SMIM21: variants seen among roughly 807,000 people sequenced by gnomAD.
SMIM21 encodes chromosome 18 open reading frame 62.
A neutral mutation model predicts 8.6 loss-of-function variants in SMIM21; 8 were observed. The ratio of observed to expected loss-of-function variants is 0.93; its 90% confidence interval spans 0.55 to 1.68. SMIM21 has a LOEUF of 1.68. Ranked by LOEUF, SMIM21 falls within the 40% of genes most tolerant of loss-of-function variation. The pLI is 0.00. For synonymous variants in SMIM21, 43 were observed against 41.7 expected, an observed-to-expected ratio of 1.03 and a Z score of -0.12; for missense variants, 132 against 123.0, an observed-to-expected ratio of 1.07 and a Z score of -0.35.
In SMIM21 at chr18:75,410,303, A is replaced by T. The variant is rs988829596; in HGVS notation, c.*561T>A. The stretch of plus-strand genomic sequence containing the variant: ...TTCTCAGTGTGTCTCTGCTGGTTTT[A>T]TTACAGTAATGAGGACTGTCGGTTT... On this transcript the variant is annotated 3_prime_UTR_variant, in exon 3 of 3. Transcript: ENST00000579022. 1 of 152,812 alleles carries T rather than the reference A, an allele frequency of 6.5e-6. No homozygotes were observed. The highest frequency in any genetic ancestry group is 1.9e-4 in the East Asian group (1 of 5,196). The allele number at this position is 152,812 out of a possible 1,614,324, so 9.5% of individuals were successfully genotyped here.
chr18:75,425,583 T>C (rs141017551), intron 1 of SMIM21, among the ~76,000 whole-genome samples: 150 of 152,328 alleles, frequency 9.8e-4, no homozygotes, highest in African/African-American at 3.5e-3. Context: ...TTAAGTGTTG[T>C]TTTCCTTGTC....
chr18:75,426,279 T>TTTTATTTA (rs1223106060), intron 1 of SMIM21, among the ~76,000 whole-genome samples: 2 of 148,628 alleles, frequency 1.3e-5, no homozygotes, highest in African/African-American at 4.9e-5. Flanking sequence ...AGACCATTAC[T>TTTTATTTA]TTTATTTATT....
intron 2 of SMIM21, chr18:75,416,795 GT>G: frequency 2.0e-5 from 1 of 49,738 alleles, no homozygotes; most frequent in Non-Finnish European, 3.1e-5. Flanking sequence ...TTAACTTGGT[GT>G]CTGGTGTCTG....
intron 2 of SMIM21, chr18:75,418,216 A>G (rs1249476096): frequency 2.8e-5 from 11 of 398,426 alleles, no homozygotes; most frequent in Non-Finnish European, 4.4e-5. Context: ...AATAAAATTA[A>G]TATGCCTTCC....
intron 1 of SMIM21, among the ~76,000 whole-genome samples, chr18:75,422,849 G>C (rs1425179724): frequency 6.6e-6 from 1 of 152,100 alleles, no homozygotes; most frequent in Non-Finnish European, 1.5e-5. Flanking sequence ...TCTTTATGGG[G>C]TTATAAAAAT....
intron 1 of SMIM21, among the ~76,000 whole-genome samples, chr18:75,421,844 T>C (rs1458775373): frequency 6.6e-6 from 1 of 152,232 alleles, no homozygotes; most frequent in Non-Finnish European, 1.5e-5. Context: ...GCTTCTGCAC[T>C]GAGTCTTTCG....
chr18:75,427,646 G>A lies in SMIM21; in HGVS notation c.-83C>T. The A allele has an allele frequency of 7.2e-7, 1 of 1,387,628 alleles. No individual in the cohort carries two copies. Among genetic ancestry groups the A allele is most frequent in the South Asian group, 1.9e-5 (1 of 53,866 alleles). The allele number at this position is 1,387,628 out of a possible 1,614,324, so 86.0% of individuals were successfully genotyped here. On this transcript the variant is annotated 5_prime_UTR_variant, in exon 1 of 3. Coordinates refer to ENST00000579022, the MANE Select transcript of SMIM21 (RefSeq NM_001037331.3). Reference sequence around the variant, plus strand: ...CACAGAGCTGGTGCTATAAGACCTGGTAACTAAGTTCCCAAGGAGCTTTTC... The same window carrying A: ...CACAGAGCTGGTGCTATAAGACCTGATAACTAAGTTCCCAAGGAGCTTTTC...
At chr18:75,425,240 G>A (rs924891236) in intron 1 of SMIM21, among the ~76,000 whole-genome samples, 2 of 152,144 alleles carry the variant, frequency 1.3e-5, no homozygotes, top group Non-Finnish European at 2.9e-5. Flanking sequence ...TGGATTTAAT[G>A]AACACCCAGT....
At chr18:75,418,063 G>T in intron 2 of SMIM21, 1 of 396,068 alleles carries the variant, frequency 2.5e-6, no homozygotes, top group East Asian at 3.6e-5. Flanking sequence ...AAGAGCTTGT[G>T]CCCACTGGTA....
chr18:75,427,343 A>C, intron 1 of SMIM21, 92 bp downstream of exon 1: 9 of 1,359,844 alleles, frequency 6.6e-6, no homozygotes, highest in South Asian at 1.7e-5. Flanking sequence ...GAGCACTCAC[A>C]GGAGATTGGG....
In SMIM21 at chr18:75,410,015, T is replaced by A. The variant is rs1878067523; in HGVS notation, c.*849A>T. 1 of 152,722 alleles carries A rather than the reference T, an allele frequency of 6.5e-6. No homozygotes were observed. The highest frequency in any genetic ancestry group is 1.5e-5 in the Non-Finnish European group (1 of 68,078). 9.5% of individuals were successfully genotyped at this position (152,722 alleles called of 1,614,324 possible). ...CTTCTGTCAGGAGGTGCCACAACCT[T>A]AGACGTAGCTCTTGTTGGTGTTAAT... On this transcript the variant is annotated 3_prime_UTR_variant, in exon 3 of 3. Coordinates refer to ENST00000579022, the MANE Select transcript of SMIM21 (RefSeq NM_001037331.3).
intron 2 of SMIM21, 101 bp from the exon 3 acceptor site, chr18:75,411,010 T>C (rs929051066): frequency 1.8e-5 from 27 of 1,483,394 alleles, no homozygotes; most frequent in Non-Finnish European, 2.4e-5. Context: ...AATGAACACA[T>C]TTTAAAATTT....
chr18:75,414,916 C>T (rs953452359), intron 2 of SMIM21, among the ~76,000 whole-genome samples: 1 of 152,108 alleles, frequency 6.6e-6, no homozygotes, highest in South Asian at 2.1e-4. Flanking sequence ...ATTCTGAGAG[C>T]ATAGAATTCA....
At chr18:75,424,964 A>G (rs920365177) in intron 1 of SMIM21, among the ~76,000 whole-genome samples, 1 of 152,246 alleles carries the variant, frequency 6.6e-6, no homozygotes. Context: ...TTGTGGGCAA[A>G]GCAAGCCACA....
intron 1 of SMIM21, among the ~76,000 whole-genome samples, 182 bp downstream of exon 1, chr18:75,427,253 G>A (rs544996781): frequency 6.6e-6 from 1 of 152,268 alleles, no homozygotes; most frequent in East Asian, 1.9e-4. Context: ...TTGGGAGGTT[G>A]TCTTGGCCAG....
chr18:75,417,876 A>G lies in SMIM21; in HGVS notation c.260+910T>C, dbSNP rs760210179. 6.4e-4 allele frequency: 157 copies of G among 244,798 alleles called. 1 individual carries two copies. The highest frequency in any genetic ancestry group is 1.2e-4 in the Non-Finnish European group (15 of 129,582). 15.2% of individuals were successfully genotyped at this position (244,798 alleles called of 1,614,324 possible). A position where few individuals can be genotyped will look rare whatever the true frequency, so the allele number is the denominator to read the frequency against. ...TGTGGAGAAACAAGATGGTCTTTGT[A>G]ATGAGCTCCTTTTCTCTCTTTATTA... On this transcript the variant is annotated intron_variant, in intron 2 of 2. Transcript: ENST00000579022.
intron 1 of SMIM21, among the ~76,000 whole-genome samples, chr18:75,419,993 C>A (rs1443485511): frequency 2.6e-5 from 4 of 152,098 alleles, no homozygotes; most frequent in African/African-American, 4.8e-5. Context: ...GTTGGTTCTC[C>A]CAGCTCCCTT....
intron 1 of SMIM21, 94 bp downstream of exon 1, chr18:75,427,341 A>G (rs2024775166): frequency 7.4e-7 from 1 of 1,354,374 alleles, no homozygotes; most frequent in Non-Finnish European, 9.9e-7. Flanking sequence ...CAGAGCACTC[A>G]CAGGAGATTG....
At chr18:75,412,810 C>T (rs2024597844) in intron 2 of SMIM21, among the ~76,000 whole-genome samples, 3 of 151,824 alleles carry the variant, frequency 2.0e-5, no homozygotes, top group African/African-American at 7.3e-5. Context: ...AATACTTGAT[C>T]GAACACACTT....
Sources: allele counts gnomAD v4.1 joint callset (sites outside exome capture counted in the v4.1 genomes callset), GRCh38; gene constraint gnomAD v4.1.1; transcripts MANE v1.5; gene names NCBI Gene and HGNC (gene_info 2026-07-23, HGNC 2026-07-21).